The following ZFAND3 variants were observed in gnomAD, a reference collection of about 807,000 sequenced individuals.
The protein encoded by ZFAND3 is zinc finger AN1-type containing 3.
In ZFAND3, 10 loss-of-function variants were observed where a neutral mutation model predicts 29.6. That is an observed-to-expected ratio of 0.34 (90% CI 0.21 to 0.57). The LOEUF is 0.57. Ranked by LOEUF, ZFAND3 falls within the 20% of genes least tolerant of loss-of-function variation. ZFAND3 has a pLI of 0.86. For missense variants in ZFAND3, 230 were observed against 304.5 expected (o/e 0.76, Z 1.82); for synonymous variants, 128 against 112.6 (o/e 1.14, Z -0.87).
intron 5 of ZFAND3, among the ~76,000 whole-genome samples, chr6:38,144,206 TATATAATATATAATATATATA>T (rs1766041928): frequency 4.1e-4 from 18 of 44,280 alleles, no homozygotes; most frequent in African/African-American, 1.9e-3. Flanking sequence ...TATATATATA[TATATAATATATAATATATATA>T]TATATTTTTT....
intron 2 of ZFAND3, among the ~76,000 whole-genome samples, chr6:38,025,632 T>C (rs1763432874): frequency 3.9e-5 from 6 of 152,230 alleles, no homozygotes; most frequent in Admixed American, 3.3e-4. Flanking sequence ...AATAGCTTGC[T>C]TACTCATCTT....
chr6:38,153,064 A>G lies in ZFAND3; in HGVS notation c.*675A>G, dbSNP rs1015371409. 2.9e-5 allele frequency: 29 copies of G among 985,488 alleles called. No homozygotes were observed. The highest frequency in any genetic ancestry group is 6.1e-5 in the Admixed American group (1 of 16,274). 61.0% of individuals were successfully genotyped at this position (985,488 alleles called of 1,614,324 possible). ...CTCACTTTGAAAATTAGCTCCACTCAAGACTAGTCCACGAACGAGACCCGC... is the reference window on the plus strand; with the variant it reads ...CTCACTTTGAAAATTAGCTCCACTCGAGACTAGTCCACGAACGAGACCCGC... On this transcript the variant is annotated 3_prime_UTR_variant, in exon 6 of 6. Coordinates refer to ENST00000287218, the MANE Select transcript of ZFAND3 (RefSeq NM_021943.3).
intron 2 of ZFAND3, among the ~76,000 whole-genome samples, chr6:37,941,512 T>C (rs1561941398): frequency 6.6e-6 from 1 of 152,198 alleles, no homozygotes; most frequent in African/African-American, 2.4e-5. Flanking sequence ...TTTTCTGTTT[T>C]GGTGGTGAGA....
At chr6:38,081,113 T>G (rs1040692574) in intron 3 of ZFAND3, among the ~76,000 whole-genome samples, 6 of 152,298 alleles carry the variant, frequency 3.9e-5, no homozygotes, top group Middle Eastern at 3.4e-3. Flanking sequence ...ATCTAGCTAT[T>G]TATTGCTGTC....
intron 2 of ZFAND3, among the ~76,000 whole-genome samples, chr6:38,043,141 C>T (rs1417409600): frequency 1.3e-5 from 2 of 152,110 alleles, no homozygotes; most frequent in African/African-American, 4.8e-5. Context: ...TTTAACCTTA[C>T]TGTGTGTAGT....
At chr6:37,856,287 G>T (rs1418203773) in intron 1 of ZFAND3, among the ~76,000 whole-genome samples, 2 of 152,144 alleles carry the variant, frequency 1.3e-5, no homozygotes, top group East Asian at 3.8e-4. Flanking sequence ...GAGCCACTGT[G>T]CCTGGCTGGT....
At chr6:37,904,948 A>G (rs1375190714) in intron 1 of ZFAND3, among the ~76,000 whole-genome samples, 2 of 152,184 alleles carry the variant, frequency 1.3e-5, no homozygotes, top group Admixed American at 6.5e-5. Context: ...TGTATTTCAT[A>G]TAATACATTT....
chr6:38,152,958 G>C lies in ZFAND3; in HGVS notation c.*569G>C. The C allele has an allele frequency of 3.0e-6, 3 of 985,888 alleles. No homozygotes were observed. The highest frequency in any genetic ancestry group is 3.6e-6 in the Non-Finnish European group (3 of 829,964). 61.1% of individuals were successfully genotyped at this position (985,888 alleles called of 1,614,324 possible). On this transcript the variant is annotated 3_prime_UTR_variant, in exon 6 of 6. Transcript: ENST00000287218. Reference sequence around the variant, plus strand: ...CTCTCCCACAGAGCTGGAAATGGGGGGTGGGGGACAGATTCTTACGGAAAT... The same window carrying C: ...CTCTCCCACAGAGCTGGAAATGGGGCGTGGGGGACAGATTCTTACGGAAAT...
At chr6:37,873,979 T>C (rs1764746667) in intron 1 of ZFAND3, among the ~76,000 whole-genome samples, 1 of 152,226 alleles carries the variant, frequency 6.6e-6, no homozygotes. Flanking sequence ...TTTGTATTCA[T>C]CTGCCAGGGC....
intron 1 of ZFAND3, among the ~76,000 whole-genome samples, chr6:37,857,362 A>G (rs1764403505): frequency 6.6e-6 from 1 of 152,196 alleles, no homozygotes; most frequent in Non-Finnish European, 1.5e-5. Context: ...AGACAAATGA[A>G]GCGAATACAA....
chr6:38,128,677 G>GC (rs1180673424), intron 5 of ZFAND3, among the ~76,000 whole-genome samples: 1,366 of 132,314 alleles, frequency 0.01, 17 homozygotes, highest in African/African-American at 0.035. Flanking sequence ...TCCATTTATG[G>GC]CTGAGTATTA....
intron 1 of ZFAND3, among the ~76,000 whole-genome samples, chr6:37,856,710 AT>A (rs1764390123): frequency 6.6e-6 from 1 of 152,088 alleles, no homozygotes; most frequent in Non-Finnish European, 1.5e-5. Context: ...CATATTTCTT[AT>A]TTTTTATATA....
At chr6:38,087,591 C>G (rs1412683179) in intron 4 of ZFAND3, among the ~76,000 whole-genome samples, 1 of 152,154 alleles carries the variant, frequency 6.6e-6, no homozygotes, top group South Asian at 2.1e-4. Context: ...TAAAAAGTTG[C>G]TCAACATCAT....
At chr6:37,865,562 A>T (rs1407180102) in intron 1 of ZFAND3, among the ~76,000 whole-genome samples, 1 of 152,226 alleles carries the variant, frequency 6.6e-6, no homozygotes, top group Non-Finnish European at 1.5e-5. Flanking sequence ...TCTCTGAAGA[A>T]TTTCCCTTTT....
intron 2 of ZFAND3, among the ~76,000 whole-genome samples, chr6:37,991,238 C>T (rs1247926571): frequency 6.6e-6 from 1 of 152,082 alleles, no homozygotes; most frequent in Non-Finnish European, 1.5e-5. Context: ...CATTTTCCCT[C>T]TGTGTGTCTG....
intron 1 of ZFAND3, among the ~76,000 whole-genome samples, chr6:37,820,865 C>G (rs987206268): frequency 6.6e-6 from 1 of 152,186 alleles, no homozygotes; most frequent in Non-Finnish European, 1.5e-5. Flanking sequence ...TTCCTCCCCC[C>G]ATTACTGTTT....
At chr6:37,976,908 T>C (rs958848156) in intron 2 of ZFAND3, among the ~76,000 whole-genome samples, 2 of 152,178 alleles carry the variant, frequency 1.3e-5, no homozygotes, top group South Asian at 2.1e-4. Flanking sequence ...TAGATGATAT[T>C]TGGGTGGGGA....
intron 2 of ZFAND3, among the ~76,000 whole-genome samples, chr6:38,026,797 G>GAA (rs997305739): frequency 6.6e-6 from 1 of 151,704 alleles, no homozygotes; most frequent in African/African-American, 2.4e-5. Context: ...CAGAGAGAGA[G>GAA]AGAGAGAGAG....
chr6:37,856,490 C>T (rs1764385617), intron 1 of ZFAND3, among the ~76,000 whole-genome samples: 1 of 152,128 alleles, frequency 6.6e-6, no homozygotes, highest in Non-Finnish European at 1.5e-5. Flanking sequence ...CTCAAAATTC[C>T]ACCTGCACAA....
Sources: allele counts gnomAD v4.1 joint callset (sites outside exome capture counted in the v4.1 genomes callset), GRCh38; gene constraint gnomAD v4.1.1; transcripts MANE v1.5; gene names NCBI Gene and HGNC (gene_info 2026-07-23, HGNC 2026-07-21).